Variants in RCAN2 observed in about 807,000 individuals in gnomAD.
RCAN2 encodes the protein calcipressin-2.
RCAN2 carries 9 observed loss-of-function variants against 23.6 expected under a neutral mutation model. The ratio of observed to expected loss-of-function variants is 0.38; its 90% CI spans 0.23 to 0.67. The LOEUF is 0.67. RCAN2 is among the 30% of genes least tolerant of loss of function. The pLI is 0.51. For missense variants in RCAN2, 273 were observed against 302.3 expected, an observed-to-expected ratio of 0.90 and a Z score of 0.72; for synonymous variants, 109 against 115.7, an observed-to-expected ratio of 0.94 and a Z score of 0.37.
At chr6:46,410,210 G>C (rs553518653) in intron 2 of RCAN2, among the ~76,000 whole-genome samples, 1 of 152,248 alleles carries the variant, frequency 6.6e-6, no homozygotes, top group South Asian at 2.1e-4. Context: ...GGGGCCTTCT[G>C]ACTTGAACTG....
intron 2 of RCAN2, among the ~76,000 whole-genome samples, chr6:46,409,159 C>T (rs927252029): frequency 7.9e-5 from 12 of 151,916 alleles, no homozygotes; most frequent in Admixed American, 2.0e-4. Context: ...TTTAAAGAAA[C>T]GAAATGGTCT....
chr6:46,385,755 G>A (rs1171561694), intron 2 of RCAN2, among the ~76,000 whole-genome samples: 1 of 151,226 alleles, frequency 6.6e-6, no homozygotes, highest in Non-Finnish European at 1.5e-5. Context: ...TACTCAGGAG[G>A]CTGAGGCATG....
At chr6:46,230,006 C>T (rs1176718402) in intron 4 of RCAN2, among the ~76,000 whole-genome samples, 2 of 152,204 alleles carry the variant, frequency 1.3e-5, no homozygotes, top group Non-Finnish European at 2.9e-5. Flanking sequence ...AGTCAGGACC[C>T]TCAGCTGCAG....
intron 2 of RCAN2, among the ~76,000 whole-genome samples, chr6:46,308,619 G>A (rs1763145102): frequency 6.6e-6 from 1 of 152,128 alleles, no homozygotes; most frequent in Non-Finnish European, 1.5e-5. Context: ...GGGATGTGAG[G>A]AGGGCACTTG....
chr6:46,353,593 T>G (rs1376786378), intron 2 of RCAN2, among the ~76,000 whole-genome samples: 1 of 152,220 alleles, frequency 6.6e-6, no homozygotes, highest in Non-Finnish European at 1.5e-5. Context: ...GTTACAAATG[T>G]CCCTATTTAA....
intron 2 of RCAN2, among the ~76,000 whole-genome samples, chr6:46,304,659 C>T (rs1763008000): frequency 6.6e-6 from 1 of 151,982 alleles, no homozygotes; most frequent in Non-Finnish European, 1.5e-5. Context: ...GGTACTGAGG[C>T]AGGGAGAAAC....
At chr6:46,398,132 G>C (rs2150401514) in intron 2 of RCAN2, among the ~76,000 whole-genome samples, 1 of 152,244 alleles carries the variant, frequency 6.6e-6, no homozygotes, top group South Asian at 2.1e-4. Flanking sequence ...GTTTTGCTAA[G>C]TGAAAACAAA....
At chr6:46,484,381 C>T (rs1390390928) in intron 1 of RCAN2, among the ~76,000 whole-genome samples, 2 of 151,916 alleles carry the variant, frequency 1.3e-5, no homozygotes, top group African/African-American at 4.8e-5. Context: ...CGTCGTGTCT[C>T]ATTGAGTAGG....
At chr6:46,271,519 G>A (rs1767523583) in intron 2 of RCAN2, among the ~76,000 whole-genome samples, 2 of 152,118 alleles carry the variant, frequency 1.3e-5, no homozygotes, top group Non-Finnish European at 2.9e-5. Context: ...CTGCCAAGTT[G>A]ACACATAATT....
chr6:46,365,692 C>A (rs540807100), intron 2 of RCAN2, among the ~76,000 whole-genome samples: 1 of 152,076 alleles, frequency 6.6e-6, no homozygotes, highest in Non-Finnish European at 1.5e-5. Context: ...ATTTTATAGT[C>A]TCAAATTTTA....
At chr6:46,398,439 T>C (rs1037894508) in intron 2 of RCAN2, among the ~76,000 whole-genome samples, 8 of 152,152 alleles carry the variant, frequency 5.3e-5, no homozygotes, top group Non-Finnish European at 1.2e-4. Flanking sequence ...ATTATTATTA[T>C]GAGAATTTTT....
chr6:46,277,533 C>T (rs190596473), intron 2 of RCAN2, among the ~76,000 whole-genome samples: 4 of 151,888 alleles, frequency 2.6e-5, no homozygotes, highest in East Asian at 3.9e-4. Flanking sequence ...TCACTTTCTT[C>T]GAAGTAGACA....
At chr6:46,261,565 A>G (rs75335111) in intron 2 of RCAN2, among the ~76,000 whole-genome samples, 6,486 of 152,270 alleles carry the variant, frequency 0.043, 448 homozygotes, top group African/African-American at 0.15. Context: ...TATTAGCTGT[A>G]CATCCAAATA....
At position 46,246,815 on chromosome 6, in the gene RCAN2, C is replaced by T; in HGVS notation, c.504G>A (p.Gln168=). 1 of 1,613,520 alleles carries T rather than the reference C, an allele frequency of 6.2e-7. No homozygotes were observed. The highest frequency in any genetic ancestry group is 8.5e-7 in the Non-Finnish European group (1 of 1,179,758). The change falls in exon 4 of 5, where the codon CAG becomes CAA. Residue 168 remains glutamine (Q), a synonymous_variant. Transcript: ENST00000371374. ...SPPSSPPVGW[Q]PINDATPVLN... ...GGACTGGCGTGGCATCGTTGATGGG[C>T]TGCCAGCCAACAGGTGGGGAGGAAG...
intron 2 of RCAN2, among the ~76,000 whole-genome samples, chr6:46,259,030 T>C (rs1160172595): frequency 4.6e-5 from 7 of 151,820 alleles, no homozygotes; most frequent in Admixed American, 1.3e-4. Context: ...AGCACAGATA[T>C]AAAAAATTAG....
chr6:46,391,328 C>G (rs1765930434), intron 2 of RCAN2, among the ~76,000 whole-genome samples: 1 of 152,118 alleles, frequency 6.6e-6, no homozygotes, highest in Admixed American at 6.5e-5. Flanking sequence ...AGCAAAGAGT[C>G]TGGAACATAA....
intron 2 of RCAN2, among the ~76,000 whole-genome samples, chr6:46,314,721 GGTTCTGA>G (rs1395954026): frequency 1.3e-5 from 2 of 152,180 alleles, no homozygotes; most frequent in Admixed American, 1.3e-4. Flanking sequence ...TAAAGAAATG[GGTTCTGA>G]GTTCAACCTC....
intron 2 of RCAN2, among the ~76,000 whole-genome samples, chr6:46,249,317 CTTT>C (rs11331303): frequency 1.8e-4 from 17 of 97,114 alleles, no homozygotes; most frequent in African/African-American, 2.1e-4. Flanking sequence ...TTCTTTCTTT[CTTT>C]TTTTTTTTTT....
intron 2 of RCAN2, among the ~76,000 whole-genome samples, chr6:46,411,665 GA>G (rs987417765): frequency 6.6e-6 from 1 of 151,760 alleles, no homozygotes; most frequent in Non-Finnish European, 1.5e-5. Flanking sequence ...AGTAGAGAAC[GA>G]AAAAAAGAGA....
Sources: allele counts gnomAD v4.1 joint callset (sites outside exome capture counted in the v4.1 genomes callset), GRCh38; gene constraint gnomAD v4.1.1; transcripts MANE v1.5; gene names NCBI Gene and HGNC (gene_info 2026-07-23, HGNC 2026-07-21).